Variants in MACROD2 observed in about 807,000 individuals in gnomAD.
MACROD2 encodes ADP-ribose glycohydrolase MACROD2.
In MACROD2, 36 loss-of-function variants were observed where a neutral mutation model predicts 70.4. The observed-to-expected ratio is 0.51, with a 90% confidence interval of 0.39 to 0.68. The LOEUF (loss-of-function observed/expected upper bound fraction) is 0.68, where lower values mean the gene tolerates loss of function less well. Ranked by LOEUF, MACROD2 falls within the 30% of genes least tolerant of loss-of-function variation. MACROD2 has a pLI of 0.00. For synonymous variants in MACROD2, 172 were observed against 178.8 expected, an observed-to-expected ratio of 0.96 and a Z score of 0.30; for missense variants, 496 against 538.4, an observed-to-expected ratio of 0.92 and a Z score of 0.78.
intron 7 of MACROD2, among the ~76,000 whole-genome samples, chr20:15,496,604 T>C (rs145362367): frequency 3.9e-4 from 60 of 152,378 alleles, no homozygotes; most frequent in African/African-American, 1.4e-3. Flanking sequence ...GTGATTGCAG[T>C]ATTTATTCGT....
chr20:14,866,191 A>G (rs1301085783), intron 5 of MACROD2, among the ~76,000 whole-genome samples: 3 of 152,282 alleles, frequency 2.0e-5, no homozygotes, highest in South Asian at 2.1e-4. Context: ...AAAATTAACC[A>G]GGAAAAACTT....
chr20:15,044,158 C>T (rs570971864), intron 5 of MACROD2, among the ~76,000 whole-genome samples: 5 of 152,124 alleles, frequency 3.3e-5, no homozygotes, highest in South Asian at 2.1e-4. Flanking sequence ...ATCACATGGT[C>T]GGATCCTCTG....
At chr20:14,510,446 C>T (rs2085017041) in intron 4 of MACROD2, among the ~76,000 whole-genome samples, 1 of 152,018 alleles carries the variant, frequency 6.6e-6, no homozygotes, top group Non-Finnish European at 1.5e-5. Flanking sequence ...CTTTACCTCA[C>T]TTTCACAAGG....
intron 9 of MACROD2, among the ~76,000 whole-genome samples, chr20:15,865,461 T>A (rs1558382): frequency 4.6e-5 from 7 of 151,940 alleles, no homozygotes; most frequent in African/African-American, 4.8e-5. Context: ...CATTCATTTC[T>A]TTACATGGGT....
At chr20:14,881,354 G>A (rs1325342581) in intron 5 of MACROD2, among the ~76,000 whole-genome samples, 1 of 150,986 alleles carries the variant, frequency 6.6e-6, no homozygotes, top group Non-Finnish European at 1.5e-5. Context: ...CCTAGAACAA[G>A]CCTTGGTCTC....
chr20:14,582,679 T>G (rs1568683084), intron 4 of MACROD2, among the ~76,000 whole-genome samples: 1 of 152,122 alleles, frequency 6.6e-6, no homozygotes, highest in Non-Finnish European at 1.5e-5. Flanking sequence ...TGTAGGGTAA[T>G]TGTGTCTTCT....
At chr20:14,376,466 G>T (rs1275715258) in intron 3 of MACROD2, among the ~76,000 whole-genome samples, 1 of 152,144 alleles carries the variant, frequency 6.6e-6, no homozygotes, top group Non-Finnish European at 1.5e-5. Context: ...CACCCTGTGG[G>T]GATGGGTGTA....
chr20:15,751,437 A>G (rs1430716860), intron 8 of MACROD2, among the ~76,000 whole-genome samples: 1 of 152,068 alleles, frequency 6.6e-6, no homozygotes, highest in Non-Finnish European at 1.5e-5. Flanking sequence ...CACTGAACTA[A>G]CTCTTTCCCA....
chr20:14,577,836 A>AGAGAAGAG (rs1568680705), intron 4 of MACROD2, among the ~76,000 whole-genome samples: 8 of 151,868 alleles, frequency 5.3e-5, no homozygotes, highest in African/African-American at 9.7e-5. Flanking sequence ...AGAGAAGAGA[A>AGAGAAGAG]AACAACTATG....
intron 8 of MACROD2, among the ~76,000 whole-genome samples, chr20:15,501,800 T>A (rs1328875066): frequency 6.6e-6 from 1 of 152,236 alleles, no homozygotes; most frequent in African/African-American, 2.4e-5. Flanking sequence ...TTGGTAGGTC[T>A]TAGATAAAAG....
intron 5 of MACROD2, among the ~76,000 whole-genome samples, chr20:15,048,765 A>G (rs1024596437): frequency 6.6e-6 from 1 of 152,154 alleles, no homozygotes; most frequent in East Asian, 1.9e-4. Context: ...AGAAGGATAA[A>G]TGTATAAGAA....
At chr20:14,689,179 A>G (rs1206421091) in intron 5 of MACROD2, among the ~76,000 whole-genome samples, 1 of 152,122 alleles carries the variant, frequency 6.6e-6, no homozygotes, top group East Asian at 1.9e-4. Flanking sequence ...TTCCTTACCT[A>G]CCTCAAACTC....
chr20:15,816,264 A>T (rs2063873594), intron 8 of MACROD2, among the ~76,000 whole-genome samples: 1 of 152,100 alleles, frequency 6.6e-6, no homozygotes, highest in Non-Finnish European at 1.5e-5. Context: ...CCACTTAGCA[A>T]ATAATGTTTT....
chr20:15,241,836 C>T (rs1200133486), intron 6 of MACROD2, among the ~76,000 whole-genome samples: 2 of 151,300 alleles, frequency 1.3e-5, no homozygotes, highest in Non-Finnish European at 2.9e-5. Context: ...ATTTGGCTAC[C>T]CTAGGGAAAC....
chr20:15,804,074 T>C lies in MACROD2; in HGVS notation c.646-58671T>C, dbSNP rs144294791. Reference sequence around the variant, plus strand: ...TAATGTGCTAACCCAGTCTAATGAATTGAGTATTTCCCCAACTCAGTGCTT... The same window carrying C: ...TAATGTGCTAACCCAGTCTAATGAACTGAGTATTTCCCCAACTCAGTGCTT... On this transcript the variant is annotated intron_variant, in intron 8 of 17. Transcript: ENST00000684519. Among the ~76,000 whole-genome samples the C allele has an allele frequency of 2.2e-3, 336 of 152,346 alleles. 3 individuals are homozygous for C. The highest frequency in any genetic ancestry group is 7.5e-3 in the African/African-American group (310 of 41,584).
In MACROD2 at chr20:14,195,244, G is replaced by A. The variant is rs1307817831; in HGVS notation, c.271+109516G>A. On this transcript the variant is annotated intron_variant, in intron 3 of 17. Coordinates refer to ENST00000684519, the MANE Select transcript of MACROD2 (RefSeq NM_001351661.2). ...AAGAAAGTTGTCAAAAATGTTTAAA[G>A]ATAGAGTATAGCACACCAAACCCCA... Among the ~76,000 whole-genome samples the A allele has an allele frequency of 2.0e-5, 3 of 152,154 alleles. No individual in the cohort carries two copies. In the East Asian group the frequency reaches 5.8e-4, roughly 29 times the overall value.
intron 8 of MACROD2, among the ~76,000 whole-genome samples, chr20:15,699,952 C>G (rs1320184699): frequency 6.6e-6 from 1 of 152,166 alleles, no homozygotes; most frequent in Non-Finnish European, 1.5e-5. Context: ...CTACCCTCCC[C>G]CACACCTTTA....
chr20:15,379,612 A>C (rs2045613348), intron 6 of MACROD2, among the ~76,000 whole-genome samples: 3 of 152,140 alleles, frequency 2.0e-5, no homozygotes, highest in Middle Eastern at 3.4e-3. Context: ...ACTCACATTC[A>C]ATTCATTTGC....
chr20:15,636,076 G>GAAAAAAAAAAAAAAAAAAAAAAAAAAAAA (rs57402806), intron 8 of MACROD2, among the ~76,000 whole-genome samples: 2 of 85,834 alleles, frequency 2.3e-5, no homozygotes, highest in Non-Finnish European at 4.5e-5. Context: ...CCTCTCAAAA[G>GAAAAAAAAAAAAAAAAAAAAAAAAAAAAA]AAAAAAAAAA....
Sources: gnomAD v4.1 joint callset for allele counts (sites outside exome capture counted in the v4.1 genomes callset) on GRCh38, gnomAD v4.1.1 for gene constraint, MANE v1.5 for transcripts, NCBI Gene and HGNC (gene_info 2026-07-23, HGNC 2026-07-21) for gene names.